Variants in SEMA4D observed in about 807,000 individuals in gnomAD.
SEMA4D encodes semaphorin 4D, also known as semaphorin-4D.
Under a neutral mutation model 74.8 loss-of-function variants are expected in SEMA4D, and 22 were observed. The observed-to-expected ratio is 0.29, with a 90% CI of 0.21 to 0.42. The LOEUF (loss-of-function observed/expected upper bound fraction) is 0.42, where lower values mean the gene tolerates loss of function less well. Ranked by LOEUF, SEMA4D falls within the 10% of genes least tolerant of loss-of-function variation. The pLI is 1.00. For missense variants in SEMA4D, 937 were observed against 1,118.4 expected (o/e 0.84, Z 2.31); for synonymous variants, 445 against 463.7 (o/e 0.96, Z 0.52).
intron 1 of SEMA4D, among the ~76,000 whole-genome samples, chr9:89,471,248 T>C (rs908587854): frequency 6.6e-6 from 1 of 152,078 alleles, no homozygotes; most frequent in Non-Finnish European, 1.5e-5. Context: ...AGAGTTTCCA[T>C]TTGGGATGAT....
chr9:89,449,531 C>T lies in SEMA4D; in HGVS notation c.-244+6357G>A, dbSNP rs148657659. ...AGGCAGAGGGGCGGCTCAGGGGAAA[C>T]GAGGCTGCAGTGGTGGTGGCAGGAA... On this transcript the variant is annotated intron_variant, in intron 2 of 15. Coordinates refer to ENST00000422704, the MANE Select transcript of SEMA4D (RefSeq NM_001371194.2). The T allele has an allele frequency of 7.9e-5, 60 of 764,174 alleles. No individual in the cohort carries two copies. The East Asian group carries it at 9.6e-4, about 12-fold the overall frequency. The allele number at this position is 764,174 out of a possible 1,614,324, so 47.3% of individuals were successfully genotyped here. A position where few individuals can be genotyped will look rare whatever the true frequency, so the allele number is the denominator to read the frequency against.
At position 89,498,081 on chromosome 9, in the gene SEMA4D, G is replaced by T. The variant is rs1163708935; in HGVS notation, c.-472C>A. The T allele has an allele frequency of 6.7e-6, 1 of 149,218 alleles. No homozygotes were observed. The highest frequency in any genetic ancestry group is 1.5e-5 in the Non-Finnish European group (1 of 66,508). The allele number at this position is 149,218 out of a possible 1,614,324, so 9.2% of individuals were successfully genotyped here. On this transcript the variant is annotated 5_prime_UTR_variant, in exon 1 of 16. Coordinates refer to ENST00000422704, the MANE Select transcript of SEMA4D (RefSeq NM_001371194.2). ...CGGCGGCTGGGATGCTGCGGCGCGC[G>T]AGAGCGCTGAGGCCGGCGCGGGGAC...
chr9:89,397,754 T>C (rs1318287152), intron 5 of SEMA4D, among the ~76,000 whole-genome samples: 1 of 152,264 alleles, frequency 6.6e-6, no homozygotes, highest in African/African-American at 2.4e-5. Context: ...TGCAAGTGTT[T>C]AGCATTTTGC....
chr9:89,403,226 G>A (rs773463791), intron 3 of SEMA4D, among the ~76,000 whole-genome samples: 22 of 152,222 alleles, frequency 1.4e-4, no homozygotes, highest in Admixed American at 6.5e-5. Flanking sequence ...GCCATCAGGT[G>A]TGCTCATGGG....
At chr9:89,444,398 G>C (rs960800644) in intron 2 of SEMA4D, among the ~76,000 whole-genome samples, 1 of 152,298 alleles carries the variant, frequency 6.6e-6, no homozygotes, top group East Asian at 1.9e-4. Flanking sequence ...CACATGAGGG[G>C]ACTCCTCCCA....
In SEMA4D at chr9:89,388,769, A is replaced by C; in HGVS notation, c.974T>G (p.Val325Gly). 1.2e-6 allele frequency: 2 copies of C among 1,607,470 alleles called. No individual in the cohort carries two copies. Among genetic ancestry groups the C allele is most frequent in the Non-Finnish European group, 1.7e-6 (2 of 1,175,784 alleles). ...GGCTGTGGACAGGTTGTAGGCGCAC[A>C]CTGCCGACAGCCCCACGTTGTTCCT... Reference protein sequence around the residue: ...PQLNNVGLSAVCAYNLSTAEE... With the variant: ...PQLNNVGLSAGCAYNLSTAEE... Residue 325 changes from valine (V) to glycine (G), a missense_variant, in exon 11 of 16, where the codon GTG (valine) becomes GGG (glycine). Physicochemically the swap from Val to Gly is moderately radical, Grantham distance 109. Transcript: ENST00000422704.
intron 1 of SEMA4D, among the ~76,000 whole-genome samples, chr9:89,476,208 G>C (rs1861703397): frequency 6.6e-6 from 1 of 152,144 alleles, no homozygotes. Flanking sequence ...CAGGCTTCTG[G>C]GAGCAGGGCA....
chr9:89,465,342 TA>T (rs1003998924), intron 1 of SEMA4D, among the ~76,000 whole-genome samples: 3 of 151,960 alleles, frequency 2.0e-5, no homozygotes, highest in South Asian at 2.1e-4. Flanking sequence ...ACGGGTCACT[TA>T]AAAAAAATGA....
chr9:89,427,754 A>G (rs1848406142), intron 2 of SEMA4D, among the ~76,000 whole-genome samples: 1 of 152,174 alleles, frequency 6.6e-6, no homozygotes, highest in Non-Finnish European at 1.5e-5. Context: ...CCAGCTCTAC[A>G]GCATGTGGGG....
At chr9:89,395,591 TGGTCCAACC>T (rs1840783246) in intron 6 of SEMA4D, among the ~76,000 whole-genome samples, 1 of 152,208 alleles carries the variant, frequency 6.6e-6, no homozygotes, top group East Asian at 1.9e-4. Flanking sequence ...AAAATGTTTC[TGGTCCAACC>T]GTACTTTCTG....
intron 2 of SEMA4D, among the ~76,000 whole-genome samples, chr9:89,425,569 C>T (rs1238301847): frequency 6.6e-6 from 1 of 152,194 alleles, no homozygotes; most frequent in Non-Finnish European, 1.5e-5. Context: ...TCGTATCTGA[C>T]ATCTGACTGA....
At chr9:89,473,353 C>T (rs552064106) in intron 1 of SEMA4D, among the ~76,000 whole-genome samples, 1 of 150,742 alleles carries the variant, frequency 6.6e-6, no homozygotes, top group East Asian at 2.0e-4. Flanking sequence ...GGCAGGACGA[C>T]TCCTTGAGTC....
chr9:89,383,360 G>A (rs571692267), intron 13 of SEMA4D, among the ~76,000 whole-genome samples: 4 of 152,168 alleles, frequency 2.6e-5, no homozygotes, highest in African/African-American at 4.8e-5. Flanking sequence ...AGGTCATCAC[G>A]CTGGTGCGAG....
chr9:89,414,401 C>A (rs1845238952), intron 2 of SEMA4D, among the ~76,000 whole-genome samples: 1 of 152,150 alleles, frequency 6.6e-6, no homozygotes, highest in Admixed American at 6.5e-5. Flanking sequence ...ACAACCAGGA[C>A]AGTGGAGGAC....
At chr9:89,470,094 T>A (rs1859795780) in intron 1 of SEMA4D, among the ~76,000 whole-genome samples, 1 of 152,256 alleles carries the variant, frequency 6.6e-6, no homozygotes, top group Non-Finnish European at 1.5e-5. Flanking sequence ...AAAGTGGTCA[T>A]ATTTCTATGG....
intron 2 of SEMA4D, among the ~76,000 whole-genome samples, chr9:89,431,648 C>T (rs1188546549): frequency 6.6e-6 from 1 of 152,170 alleles, no homozygotes; most frequent in Non-Finnish European, 1.5e-5. Flanking sequence ...CAGGCGTGAG[C>T]CATCATGCTC....
At chr9:89,486,533 T>C (rs1825213419) in intron 1 of SEMA4D, among the ~76,000 whole-genome samples, 2 of 152,172 alleles carry the variant, frequency 1.3e-5, no homozygotes. Context: ...TAACCAGAAC[T>C]GACTCAAACA....
At chr9:89,384,914 AC>A (rs1275681113) in intron 13 of SEMA4D, 7 of 985,306 alleles carry the variant, frequency 7.1e-6, no homozygotes, top group Non-Finnish European at 8.4e-6. Context: ...AGGAGAAGGC[AC>A]AGGACCCCAC....
At chr9:89,373,279 C>A (rs1348075805), downstream of SEMA4D, among the ~76,000 whole-genome samples, 2 of 152,222 alleles carry the variant, frequency 1.3e-5, no homozygotes, top group Non-Finnish European at 2.9e-5. Flanking sequence ...TGCAGACCCA[C>A]CCCGATCCCC....
Sources: gnomAD v4.1 joint callset for allele counts (sites outside exome capture counted in the v4.1 genomes callset) on GRCh38, gnomAD v4.1.1 for gene constraint, MANE v1.5 for transcripts, NCBI Gene and HGNC (gene_info 2026-07-23, HGNC 2026-07-21) for gene names.